The following EPG5 variants were observed in gnomAD, a reference collection of about 807,000 sequenced individuals.
EPG5 encodes ectopic P granules protein 5 homolog.
Under a neutral mutation model 302.7 loss-of-function variants are expected in EPG5, and 159 were observed. That is an observed-to-expected ratio of 0.53 (90% CI 0.46 to 0.60). EPG5 has a LOEUF of 0.60. EPG5 is among the 20% of genes least tolerant of loss of function. EPG5 has a pLI of 0.00. For synonymous variants in EPG5, 1,158 were observed against 1,136.8 expected (o/e 1.02, Z -0.37); for missense variants, 2,896 against 3,092.4 (o/e 0.94, Z 1.51).
chr18:45,947,498 A>G (rs1043870192), intron 6 of EPG5, among the ~76,000 whole-genome samples: 3 of 152,188 alleles, frequency 2.0e-5, no homozygotes, highest in Non-Finnish European at 4.4e-5. Flanking sequence ...TCAAATCATT[A>G]TCTACCACGT....
In EPG5 at chr18:45,848,274, C is replaced by T. The variant is rs1018524782; in HGVS notation, c.*4193G>A. The T allele has an allele frequency of 7.2e-5, 11 of 152,186 alleles. No homozygotes were observed. The highest frequency in any genetic ancestry group is 2.7e-4 in the African/African-American group (11 of 41,442). The allele number at this position is 152,186 out of a possible 1,614,324, so 9.4% of individuals were successfully genotyped here. A position where few individuals can be genotyped will look rare whatever the true frequency, so the allele number is the denominator to read the frequency against. On this transcript the variant is annotated 3_prime_UTR_variant, in exon 44 of 44. Transcript: ENST00000282041. ...GTTAACTGATCAGAAAAATGATCAG[C>T]TACTATCTCAAAATGAGCTGTACAG...
In EPG5 at chr18:45,913,831, A is replaced by T; in HGVS notation, c.3694-3T>A. 1.2e-6 allele frequency: 2 copies of T among 1,613,626 alleles called. No homozygotes were observed. The highest frequency in any genetic ancestry group is 1.7e-6 in the Non-Finnish European group (2 of 1,179,840). ...AGCACTGTCCAGGCAAACCAGACCT[A>T]TAATGACACCAGATAAAGGGGAGGG... On this transcript the variant is annotated splice_region_variant and splice_polypyrimidine_tract_variant and intron_variant, in intron 20 of 43. Coordinates refer to ENST00000282041, the MANE Select transcript of EPG5 (RefSeq NM_020964.3).
the EPG5 span, among the ~76,000 whole-genome samples, chr18:45,824,363 C>T: frequency 6.6e-6 from 1 of 152,192 alleles, no homozygotes; most frequent in South Asian, 2.1e-4. Flanking sequence ...CCCACCACCA[C>T]ACCCAGCTAA....
chr18:45,906,628 T>C (rs973371780), intron 24 of EPG5, among the ~76,000 whole-genome samples: 1 of 151,938 alleles, frequency 6.6e-6, no homozygotes, highest in African/African-American at 2.4e-5. Flanking sequence ...TATGTTTCCA[T>C]AGTACCCTGT....
rs1051295188 is a variant in EPG5, at chr18:45,915,919, G to A, written c.3582+90C>T. 9 of 1,174,804 alleles carry A rather than the reference G, an allele frequency of 7.7e-6. No individual in the cohort carries two copies. The African/African-American group carries it at 1.4e-4, about 18-fold the overall frequency. The allele number at this position is 1,174,804 out of a possible 1,614,324, so 72.8% of individuals were successfully genotyped here. ...TAAAGAAGGTAATGGCCACAGAGTA[G>A]AACTGAAAACTGTACTTGGGGGAAT... is the stretch of plus-strand genomic sequence containing the variant. On this transcript the variant is annotated intron_variant, in intron 19 of 43. Transcript: ENST00000282041.
At chr18:45,826,200 C>T in the EPG5 span, among the ~76,000 whole-genome samples, 3 of 151,326 alleles carry the variant, frequency 2.0e-5, no homozygotes, top group Non-Finnish European at 4.4e-5. Context: ...CGTTTGGGGA[C>T]AGTGCTGATG....
At chr18:45,886,860 G>T (rs754964241) in intron 29 of EPG5, among the ~76,000 whole-genome samples, 78 of 152,246 alleles carry the variant, frequency 5.1e-4, no homozygotes, top group Non-Finnish European at 5.4e-4. Context: ...GTTTCTTCAT[G>T]TTGGTCAGGC....
chr18:45,876,211 C>G lies in EPG5; in HGVS notation c.6049+25G>C, dbSNP rs752289560. On this transcript the variant is annotated intron_variant, in intron 35 of 43. Transcript: ENST00000282041. The stretch of plus-strand genomic sequence containing the variant: ...GACTTAGGGAAAAATGAAAACTAAG[C>G]AGAGACAGCCTGACATCTTCCTACC... The G allele has an allele frequency of 2.6e-6, 4 of 1,517,112 alleles. No individual in the cohort carries two copies. The South Asian group carries it at 4.5e-5, about 17-fold the overall frequency. 94.0% of individuals were successfully genotyped at this position (1,517,112 alleles called of 1,614,324 possible).
intron 35 of EPG5, 45 bp downstream of exon 35, chr18:45,876,191 A>C: frequency 7.5e-7 from 1 of 1,339,340 alleles, no homozygotes. Context: ...TGACTGACTT[A>C]GGGAAAAATG....
chr18:45,947,439 G>A (rs1045222322), intron 6 of EPG5, among the ~76,000 whole-genome samples: 1 of 151,934 alleles, frequency 6.6e-6, no homozygotes, highest in African/African-American at 2.4e-5. Context: ...GTAATGGAGA[G>A]GCTTGTTTAG....
intron 43 of EPG5, 164 bp downstream of exon 43, chr18:45,855,409 T>C (rs2048493942): frequency 1.8e-6 from 1 of 555,862 alleles, no homozygotes; most frequent in Non-Finnish European, 3.2e-6. Context: ...ATTTGGAGGT[T>C]GGCACATGAA....
intron 7 of EPG5, among the ~76,000 whole-genome samples, chr18:45,944,833 A>G (rs1031731485): frequency 6.6e-6 from 1 of 152,270 alleles, no homozygotes; most frequent in African/African-American, 2.4e-5. Flanking sequence ...AGATCTATGT[A>G]GTATGCAACA....
intron 31 of EPG5, among the ~76,000 whole-genome samples, chr18:45,881,751 T>C (rs1599482743): frequency 6.6e-6 from 1 of 152,210 alleles, no homozygotes; most frequent in South Asian, 2.1e-4. Context: ...ATGTGGAGAT[T>C]GTAATGCTGC....
intron 39 of EPG5, among the ~76,000 whole-genome samples, chr18:45,860,609 T>C (rs951118438): frequency 1.1e-4 from 16 of 152,324 alleles, no homozygotes; most frequent in African/African-American, 1.7e-4. Flanking sequence ...ACTTAATAAA[T>C]AGACAAATCT....
At chr18:45,832,254 G>A in the EPG5 span, among the ~76,000 whole-genome samples, 6 of 152,302 alleles carry the variant, frequency 3.9e-5, no homozygotes, top group Admixed American at 6.5e-5. Flanking sequence ...CCTGAGACCC[G>A]GGATATTATA....
chr18:45,960,300 G>A (rs1195238789), intron 1 of EPG5, among the ~76,000 whole-genome samples: 1 of 152,082 alleles, frequency 6.6e-6, no homozygotes, highest in African/African-American at 2.4e-5. Context: ...GTCTCACTGT[G>A]TTGCCCAACC....
chr18:45,888,582 G>A (rs1002102465), intron 28 of EPG5, among the ~76,000 whole-genome samples: 1 of 152,166 alleles, frequency 6.6e-6, no homozygotes, highest in African/African-American at 2.4e-5. Flanking sequence ...TGGGATTGCA[G>A]GCATGAGCCA....
the EPG5 span, chr18:45,825,747 C>T: frequency 6.2e-6 from 10 of 1,614,132 alleles, no homozygotes; most frequent in Middle Eastern, 1.6e-4. Flanking sequence ...GTCCATCTGG[C>T]TGCTGGCCTG....
chr18:45,870,970 G>A (rs2145314061), intron 35 of EPG5, among the ~76,000 whole-genome samples: 1 of 152,208 alleles, frequency 6.6e-6, no homozygotes, highest in South Asian at 2.1e-4. Flanking sequence ...TGCTGTGTGG[G>A]AAATAATCAG....
Sources: allele counts gnomAD v4.1 joint callset (sites outside exome capture counted in the v4.1 genomes callset), GRCh38; gene constraint gnomAD v4.1.1; transcripts MANE v1.5; gene names NCBI Gene and HGNC (gene_info 2026-07-23, HGNC 2026-07-21).